HDGFL3: variants seen among roughly 807,000 people sequenced by gnomAD.
The protein encoded by HDGFL3 is HDGF like 3.
A neutral mutation model predicts 27.6 loss-of-function variants in HDGFL3; 6 were observed. That is an observed-to-expected ratio of 0.22 (90% CI 0.12 to 0.43). The LOEUF is 0.43. Among genes scored for constraint, HDGFL3 ranks in the 20% least tolerant of loss-of-function variants. The pLI is 1.00. For synonymous variants in HDGFL3, 88 were observed against 88.9 expected, an observed-to-expected ratio of 0.99 and a Z score of 0.05; for missense variants, 207 against 250.1, an observed-to-expected ratio of 0.83 and a Z score of 1.16.
chr15:83,139,206 A>G lies in HDGFL3; in HGVS notation c.*64T>C. 8.4e-7 allele frequency: 1 copy of G among 1,186,326 alleles called. No individual in the cohort carries two copies. The highest frequency in any genetic ancestry group is 1.1e-6 in the Non-Finnish European group (1 of 876,286). 73.5% of individuals were successfully genotyped at this position (1,186,326 alleles called of 1,614,324 possible). ...GTTGGTTCATATCAAATCCAAGAATATTAGACAACCAAACATATAACCTTC... is the reference window on the plus strand; with the variant it reads ...GTTGGTTCATATCAAATCCAAGAATGTTAGACAACCAAACATATAACCTTC... On this transcript the variant is annotated 3_prime_UTR_variant, in exon 6 of 6. Coordinates refer to ENST00000299633, the MANE Select transcript of HDGFL3 (RefSeq NM_016073.4).
Position 83,163,982 on chromosome 15 carries a change from T to G in HDGFL3, c.161+17A>C, listed in dbSNP as rs1275440119. On this transcript the variant is annotated intron_variant, in intron 2 of 5. Coordinates refer to ENST00000299633, the MANE Select transcript of HDGFL3 (RefSeq NM_016073.4). ...AGAGTCAAGCTAGAGCTGTTGAAACTATTTTTGCTAACTTACGTTTCATGG... is the reference window on the plus strand; with the variant it reads ...AGAGTCAAGCTAGAGCTGTTGAAACGATTTTTGCTAACTTACGTTTCATGG... 6.3e-7 allele frequency: 1 copy of G among 1,589,232 alleles called. No homozygotes were observed. The highest frequency in any genetic ancestry group is 1.1e-5 in the South Asian group (1 of 90,404).
intron 1 of HDGFL3, among the ~76,000 whole-genome samples, chr15:83,200,704 C>G (rs141804106): frequency 5.9e-5 from 9 of 152,208 alleles, no homozygotes; most frequent in African/African-American, 2.2e-4. Flanking sequence ...AAAAAAGATG[C>G]CCAGCCTAAC....
chr15:83,205,725 A>G (rs1053210907), intron 1 of HDGFL3, among the ~76,000 whole-genome samples: 1 of 152,240 alleles, frequency 6.6e-6, no homozygotes, highest in Non-Finnish European at 1.5e-5. Flanking sequence ...ATGGCCCTAA[A>G]GCTATACATT....
At chr15:83,149,780 T>C (rs1256740768) in intron 5 of HDGFL3, among the ~76,000 whole-genome samples, 1 of 152,034 alleles carries the variant, frequency 6.6e-6, no homozygotes, top group Non-Finnish European at 1.5e-5. Flanking sequence ...GGGTAAAATA[T>C]AAGATGGAAG....
chr15:83,174,510 A>C (rs1458708145), intron 1 of HDGFL3, among the ~76,000 whole-genome samples: 1 of 145,858 alleles, frequency 6.9e-6, no homozygotes, highest in Non-Finnish European at 1.5e-5. Context: ...AAAAAAAAAA[A>C]ACCTCAAAAT....
intron 5 of HDGFL3, among the ~76,000 whole-genome samples, chr15:83,144,070 G>A (rs2036840782): frequency 6.6e-6 from 1 of 152,160 alleles, no homozygotes; most frequent in African/African-American, 2.4e-5. Context: ...GCAATCGTCA[G>A]CACCAGACAA....
At chr15:83,152,078 T>G (rs1259655794) in intron 4 of HDGFL3, among the ~76,000 whole-genome samples, 1 of 152,190 alleles carries the variant, frequency 6.6e-6, no homozygotes, top group Non-Finnish European at 1.5e-5. Flanking sequence ...ATTGTGCGCC[T>G]TAAGAAAGTA....
intron 1 of HDGFL3, among the ~76,000 whole-genome samples, chr15:83,197,259 C>A (rs796485012): frequency 6.6e-6 from 1 of 152,138 alleles, no homozygotes; most frequent in Non-Finnish European, 1.5e-5. Flanking sequence ...AATCTTATTT[C>A]TTTTACTTCA....
chr15:83,157,402 G>T lies in HDGFL3; in HGVS notation c.459+13C>A. 6.2e-7 allele frequency: 1 copy of T among 1,609,312 alleles called. No homozygotes were observed. The highest frequency in any genetic ancestry group is 8.5e-7 in the Non-Finnish European group (1 of 1,176,300). Reference sequence around the variant, plus strand: ...CATATAACATTAATAACAATGAGAAGTTTCTTAGTAACCTTTGAAGTATAT... The same window carrying T: ...CATATAACATTAATAACAATGAGAATTTTCTTAGTAACCTTTGAAGTATAT... On this transcript the variant is annotated intron_variant, in intron 4 of 5. Coordinates refer to ENST00000299633, the MANE Select transcript of HDGFL3 (RefSeq NM_016073.4).
chr15:83,115,714 CT>C lies in HDGFL3; in HGVS notation c.420del (p.Ile140MetfsTer40). The stretch of plus-strand genomic sequence containing the variant: ...TGTGTAGAAGGGGTATTCTGTTAGT[CT>C]ATCTCGATAATTGTCCACAGCATCT... On this transcript the variant is annotated frameshift_variant, in exon 4 of 4. Coordinates refer to the HDGFL3 transcript ENST00000568294. LOFTEE classifies it high-confidence loss of function. 1.4e-6 allele frequency: 1 copy of C among 735,998 alleles called. No homozygotes were observed. The highest frequency in any genetic ancestry group is 1.5e-5 in the South Asian group (1 of 67,356). 45.6% of individuals were successfully genotyped at this position (735,998 alleles called of 1,614,324 possible). A position where few individuals can be genotyped will look rare whatever the true frequency, so the allele number is the denominator to read the frequency against.
At chr15:83,167,707 A>C (rs769116239) in intron 1 of HDGFL3, among the ~76,000 whole-genome samples, 1 of 152,238 alleles carries the variant, frequency 6.6e-6, no homozygotes, top group Non-Finnish European at 1.5e-5. Context: ...CAATGAAAAG[A>C]CAGCCACACA....
At chr15:83,163,503 T>C (rs1039462717) in intron 2 of HDGFL3, among the ~76,000 whole-genome samples, 1 of 152,216 alleles carries the variant, frequency 6.6e-6, no homozygotes, top group Non-Finnish European at 1.5e-5. Context: ...TTTGAGACAT[T>C]GTATTTTTAG....
At chr15:83,183,429 A>G (rs899082402) in intron 1 of HDGFL3, among the ~76,000 whole-genome samples, 19 of 152,166 alleles carry the variant, frequency 1.2e-4, no homozygotes, top group African/African-American at 4.6e-4. Context: ...CAGGCCCTCA[A>G]AAAACTGAAC....
rs962612666 is a variant in HDGFL3 at position 83,207,251 on chromosome 15, G to T, written c.84+80C>A. ...CGAGCTGCGGGCTCGGGGCTGAGGCGATGGGGAAAGGGGGCGGGCGCGCCA... is the reference window on the plus strand; with the variant it reads ...CGAGCTGCGGGCTCGGGGCTGAGGCTATGGGGAAAGGGGGCGGGCGCGCCA... On this transcript the variant is annotated intron_variant, in intron 1 of 5. Transcript: ENST00000299633. This position sits in a 1 kb window ranked among gnomAD's most constrained non-coding sequence, Gnocchi z 4.8. The T allele has an allele frequency of 5.9e-6, 6 of 1,016,874 alleles. No homozygotes were observed. In the Admixed American group the frequency reaches 1.7e-4, roughly 29 times the overall value. The allele number at this position is 1,016,874 out of a possible 1,614,324, so 63.0% of individuals were successfully genotyped here.
rs202238390 is a variant in HDGFL3, at chr15:83,146,230, CTG to C, written c.606+4983_606+4984del. 4.6e-5 allele frequency among the ~76,000 whole-genome samples: 7 copies of C among 152,210 alleles called. No homozygotes were observed. In the East Asian group the frequency reaches 7.7e-4, roughly 17 times the overall value. On this transcript the variant is annotated intron_variant, in intron 5 of 5. Transcript: ENST00000299633. ...CAACCACTGGGAGTAACTGTAAATA[CTG>C]TCTTAAGCCACTGTTTTGAAAGCAA...
chr15:83,118,691 T>C (rs1287388842), intron 3 of HDGFL3, among the ~76,000 whole-genome samples: 3 of 152,086 alleles, frequency 2.0e-5, no homozygotes, highest in South Asian at 2.1e-4. Context: ...TTCCTTGTTG[T>C]AGAAAGGACT....
At position 83,131,765 on chromosome 15, in the gene HDGFL3, C is replaced by T. The variant is rs930035058; in HGVS notation, c.*7505G>A. On this transcript the variant is annotated 3_prime_UTR_variant, in exon 6 of 6. Transcript: ENST00000299633. ...AAAAGAAGATTGAATAAAATGAAAC[C>T]AGGACACATTTTAGACCAAAGAGTT... is the stretch of plus-strand genomic sequence containing the variant. 1 of 152,198 alleles carries T rather than the reference C, an allele frequency of 6.6e-6. No homozygotes were observed. The highest frequency in any genetic ancestry group is 2.1e-4 in the South Asian group (1 of 4,816). The allele number at this position is 152,198 out of a possible 1,614,324, so 9.4% of individuals were successfully genotyped here.
At position 83,139,288 on chromosome 15, in the gene HDGFL3, A is replaced by T; in HGVS notation, c.607-13T>A. On this transcript the variant is annotated splice_polypyrimidine_tract_variant and intron_variant, in intron 5 of 5. Coordinates refer to ENST00000299633, the MANE Select transcript of HDGFL3 (RefSeq NM_016073.4). ...ATGGTAGTTAGGTCTGTAAAAAAAA[A>T]AAAAAGAAAGAAAACAAGCCTTTAG... 1 of 1,434,218 alleles carries T rather than the reference A, an allele frequency of 7.0e-7. No individual in the cohort carries two copies. 88.8% of individuals were successfully genotyped at this position (1,434,218 alleles called of 1,614,324 possible). A position where few individuals can be genotyped will look rare whatever the true frequency, so the allele number is the denominator to read the frequency against.
chr15:83,207,422 G>A lies in HDGFL3; in HGVS notation c.-8C>T. The A allele has an allele frequency of 8.3e-6, 11 of 1,325,952 alleles. No homozygotes were observed. The highest frequency in any genetic ancestry group is 9.7e-6 in the Non-Finnish European group (10 of 1,032,914). 82.1% of individuals were successfully genotyped at this position (1,325,952 alleles called of 1,614,324 possible). ...GGGCCGCGGACGCGCCATCCCAGCC[G>A]CTCCCCTTCCTGGTAGTCCTTGGTC... On this transcript the variant is annotated 5_prime_UTR_variant, in exon 1 of 6. Transcript: ENST00000299633. The surrounding 1 kb of genome is among the most constrained non-coding windows in gnomAD (Gnocchi z 4.8).
Sources: gnomAD v4.1 joint callset for allele counts (sites outside exome capture counted in the v4.1 genomes callset) on GRCh38, gnomAD v4.1.1 for gene constraint, Gnocchi (gnomAD v3.1) non-coding constraint, MANE v1.5 for transcripts, NCBI Gene and HGNC (gene_info 2026-07-23, HGNC 2026-07-21) for gene names.